The following LRRC4B variants were observed in gnomAD, a reference collection of about 807,000 sequenced individuals.
LRRC4B encodes leucine-rich repeat-containing protein 4B.
Under a neutral mutation model 7.3 loss-of-function variants are expected in LRRC4B, and 1 was observed. The observed-to-expected ratio is 0.14, with a 90% confidence interval of 0.05 to 0.65. The LOEUF is 0.65. Among genes scored for constraint, LRRC4B ranks in the 30% least tolerant of loss-of-function variants. The probability of loss-of-function intolerance (pLI) is 0.84; values close to 1 mark genes in which losing one functional copy is unlikely to be tolerated. For synonymous variants in LRRC4B, 500 were observed against 499.2 expected (o/e 1.00, Z -0.02); for missense variants, 730 against 1,041.6 (o/e 0.70, Z 4.12).
chr19:50,523,856 G>A (rs960792992), intron 2 of LRRC4B, among the ~76,000 whole-genome samples: 1 of 150,402 alleles, frequency 6.6e-6, no homozygotes, highest in Non-Finnish European at 1.5e-5. Flanking sequence ...CTACTTGGGA[G>A]GCTGAGGCAG....
intron 1 of LRRC4B, among the ~76,000 whole-genome samples, chr19:50,561,401 C>A (rs1440220388): frequency 2.6e-5 from 4 of 152,098 alleles, no homozygotes; most frequent in Non-Finnish European, 5.9e-5. Flanking sequence ...AGATTGAGAA[C>A]CTGACAGCCC....
intron 2 of LRRC4B, among the ~76,000 whole-genome samples, chr19:50,535,018 G>GA (rs1981206780): frequency 6.7e-6 from 1 of 148,836 alleles, no homozygotes; most frequent in Non-Finnish European, 1.5e-5. Context: ...ACAGGCGCCT[G>GA]CCACCACACC....
intron 2 of LRRC4B, among the ~76,000 whole-genome samples, chr19:50,529,364 C>T (rs1400266368): frequency 1.3e-5 from 2 of 152,140 alleles, no homozygotes; most frequent in East Asian, 1.9e-4. Context: ...AGCTTATCAC[C>T]TCCCTGGGAA....
chr19:50,549,417 C>T (rs1981958622), intron 1 of LRRC4B, among the ~76,000 whole-genome samples: 1 of 152,162 alleles, frequency 6.6e-6, no homozygotes, highest in East Asian at 1.9e-4. Flanking sequence ...CTCCCTCCCC[C>T]TCTCCCCATC....
At chr19:50,545,159 G>A (rs1458177514) in intron 2 of LRRC4B, among the ~76,000 whole-genome samples, 1 of 151,256 alleles carries the variant, frequency 6.6e-6, no homozygotes, top group African/African-American at 2.4e-5. Context: ...TGTAATCCTG[G>A]CACTTTGGGA....
intron 2 of LRRC4B, among the ~76,000 whole-genome samples, chr19:50,526,307 C>A (rs61303131): frequency 0.035 from 5,333 of 152,230 alleles, 312 homozygotes; most frequent in African/African-American, 0.12. Flanking sequence ...TTGCCTCTGG[C>A]CTTTGCACCT....
chr19:50,557,129 GA>G (rs1456639639), intron 1 of LRRC4B, among the ~76,000 whole-genome samples: 2 of 152,276 alleles, frequency 1.3e-5, no homozygotes, highest in East Asian at 3.9e-4. Flanking sequence ...GGGATGGAGA[GA>G]AGGGAAAGAG....
At position 50,548,967 on chromosome 19, in the gene LRRC4B, G is replaced by T; in HGVS notation, c.-35-94C>A. Reference sequence around the variant, plus strand: ...CCAACACCCAGGCAGCCCCATCGCCGCCTCCCTGCCCCATGCCCAGAACAA... The same window carrying T: ...CCAACACCCAGGCAGCCCCATCGCCTCCTCCCTGCCCCATGCCCAGAACAA... On this transcript the variant is annotated intron_variant, in intron 1 of 2. Transcript: ENST00000652263. This position sits in a 1 kb window ranked among gnomAD's most constrained non-coding sequence, Gnocchi z 6.8. 1.5e-6 allele frequency: 1 copy of T among 662,228 alleles called. No individual in the cohort carries two copies. The highest frequency in any genetic ancestry group is 2.5e-6 in the Non-Finnish European group (1 of 397,462). 41.0% of individuals were successfully genotyped at this position (662,228 alleles called of 1,614,324 possible). A position where few individuals can be genotyped will look rare whatever the true frequency, so the allele number is the denominator to read the frequency against.
At chr19:50,562,273 C>G (rs1027905036) in intron 1 of LRRC4B, among the ~76,000 whole-genome samples, 1 of 152,152 alleles carries the variant, frequency 6.6e-6, no homozygotes, top group Non-Finnish European at 1.5e-5. Context: ...AGTCCCGGCT[C>G]TGCCATTTCT....
rs1980482056 is a variant in LRRC4B at position 50,519,966 on chromosome 19, G to A, written c.298-551C>T. Among the ~76,000 whole-genome samples the A allele has an allele frequency of 6.6e-6, 1 of 151,622 alleles. No homozygotes were observed. The highest frequency in any genetic ancestry group is 2.4e-5 in the African/African-American group (1 of 41,244). On this transcript the variant is annotated intron_variant, in intron 2 of 2. Transcript: ENST00000652263. This position sits in a 1 kb window ranked among gnomAD's most constrained non-coding sequence, Gnocchi z 8.1. Reference sequence around the variant, plus strand: ...TCCCAGCACTTTGGGAGGCTGAGGTGGGCAGATCACTTGAACCCAGGAGAT... The same window carrying A: ...TCCCAGCACTTTGGGAGGCTGAGGTAGGCAGATCACTTGAACCCAGGAGAT...
At position 50,525,564 on chromosome 19, in the gene LRRC4B, C is replaced by G. The variant is rs1283000410; in HGVS notation, c.298-6149G>C. On this transcript the variant is annotated intron_variant, in intron 2 of 2. Transcript: ENST00000652263. ...AGGATTACAGGCGTCCTCCACCACA[C>G]CCGGCTAATTTTTGTATTTTTTTTT... is the stretch of plus-strand genomic sequence containing the variant. 1.5e-4 allele frequency among the ~76,000 whole-genome samples: 22 copies of G among 148,880 alleles called. No homozygotes were observed. In the Admixed American group the frequency reaches 1.5e-3, roughly 10 times the overall value.
intron 2 of LRRC4B, among the ~76,000 whole-genome samples, chr19:50,531,377 A>C (rs1249998595): frequency 2.0e-5 from 3 of 152,220 alleles, no homozygotes; most frequent in African/African-American, 4.8e-5. Flanking sequence ...GACCGTGACA[A>C]CAGCGTGGCC....
At chr19:50,541,368 C>CAAAAAAAAAA (rs71332010) in intron 2 of LRRC4B, among the ~76,000 whole-genome samples, 2 of 75,046 alleles carry the variant, frequency 2.7e-5, no homozygotes, top group African/African-American at 1.2e-4. Context: ...GACTCTATCT[C>CAAAAAAAAAA]AAAAAAAAAA....
At chr19:50,560,875 G>T (rs1982438521) in intron 1 of LRRC4B, among the ~76,000 whole-genome samples, 1 of 152,118 alleles carries the variant, frequency 6.6e-6, no homozygotes, top group Middle Eastern at 3.2e-3. Context: ...GATCGCTTGA[G>T]GTCAGGAGTT....
intron 1 of LRRC4B, among the ~76,000 whole-genome samples, chr19:50,551,725 C>T (rs955420066): frequency 4.0e-5 from 6 of 151,158 alleles, no homozygotes; most frequent in Non-Finnish European, 8.9e-5. Context: ...GCCCTGAGCC[C>T]GTCTCAGTCA....
chr19:50,539,499 A>G (rs1284515214), intron 2 of LRRC4B, among the ~76,000 whole-genome samples: 1 of 152,166 alleles, frequency 6.6e-6, no homozygotes, highest in East Asian at 1.9e-4. Flanking sequence ...CTCATTTAGG[A>G]AAAGGTGAGC....
rs551680538 is a variant in LRRC4B at position 50,548,280 on chromosome 19, G to T, written c.297+262C>A. Among the ~76,000 whole-genome samples the T allele has an allele frequency of 1.3e-5, 2 of 152,374 alleles. No homozygotes were observed. The highest frequency in any genetic ancestry group is 2.4e-5 in the African/African-American group (1 of 41,598). ...GGCCGACCCGCCTGTCCTGTGCCGG[G>T]GGGGCTGGGCAGGTGGCCTGCACTT... On this transcript the variant is annotated intron_variant, in intron 2 of 2. Transcript: ENST00000652263. The surrounding 1 kb of genome is among the most constrained non-coding windows in gnomAD (Gnocchi z 6.8).
chr19:50,517,924 A>G lies in LRRC4B; in HGVS notation c.1789T>C (p.Tyr597His). The G allele has an allele frequency of 6.4e-7, 1 of 1,572,810 alleles. No homozygotes were observed. Among genetic ancestry groups the G allele is most frequent in the Non-Finnish European group, 8.6e-7 (1 of 1,165,168 alleles). ...FMAAVMLVAF[Y>H]KLRKQHQLHK... ...AGCTGGTGCTGCTTGCGCAGCTTGT[A>G]GAAGGCCACGAGCATCACCGCGGCC... is the stretch of plus-strand genomic sequence containing the variant. The change falls in exon 3 of 3, where the codon TAC becomes CAC. Residue 597 changes from tyrosine to histidine, a missense_variant. Tyr to His is a moderately conservative substitution (Grantham distance 83, BLOSUM62 2). This residue lies in a region of LRRC4B where 160 missense variants were observed against 163.9 expected (regional missense o/e 0.98). Transcript: ENST00000652263. This position sits in a 1 kb window ranked among gnomAD's most constrained non-coding sequence, Gnocchi z 6.6.
rs1004465645 is a variant in LRRC4B, at chr19:50,563,826, T to C, written c.-36+4118A>G. Among the ~76,000 whole-genome samples the C allele has an allele frequency of 1.3e-5, 2 of 152,194 alleles. No individual in the cohort carries two copies. The highest frequency in any genetic ancestry group is 4.8e-5 in the African/African-American group (2 of 41,448). ...ATCCTGGTCCTGGAGAATGGGCGTG[T>C]GCTCTGCGTCCTGGCAGTCTTAAGA... On this transcript the variant is annotated intron_variant, in intron 1 of 2. Transcript: ENST00000652263. This position sits in a 1 kb window ranked among gnomAD's most constrained non-coding sequence, Gnocchi z 4.9.
Sources: gnomAD v4.1 joint callset for allele counts (sites outside exome capture counted in the v4.1 genomes callset) on GRCh38, gnomAD v4.1.1 for gene constraint, gnomAD v4.1.1 regional missense constraint, Gnocchi (gnomAD v3.1) non-coding constraint, MANE v1.5 for transcripts, NCBI Gene and HGNC (gene_info 2026-07-23, HGNC 2026-07-21) for gene names.